PDE4D: variants seen among roughly 807,000 people sequenced by gnomAD.
PDE4D encodes the protein phosphodiesterase 4D, also known as 3',5'-cyclic-AMP phosphodiesterase 4D.
In PDE4D, 24 loss-of-function variants were observed where a neutral mutation model predicts 87.4. The ratio of observed to expected loss-of-function variants is 0.27; its 90% CI spans 0.20 to 0.39. The LOEUF is 0.39. Ranked by LOEUF, PDE4D falls within the 10% of genes least tolerant of loss-of-function variation. The pLI is 1.00. For missense variants in PDE4D, 714 were observed against 1,041.0 expected, an observed-to-expected ratio of 0.69 and a Z score of 4.32; for synonymous variants, 384 against 383.2, an observed-to-expected ratio of 1.00 and a Z score of -0.02.
At chr5:60,193,606 A>G (rs1484361470) in intron 1 of PDE4D, among the ~76,000 whole-genome samples, 2 of 134,244 alleles carry the variant, frequency 1.5e-5, no homozygotes, top group Non-Finnish European at 3.1e-5. Context: ...CAGGGGGCGG[A>G]GCCTGCAGTG....
chr5:59,507,453 G>T (rs1372154276), intron 1 of PDE4D, among the ~76,000 whole-genome samples: 2 of 152,004 alleles, frequency 1.3e-5, no homozygotes. Flanking sequence ...TTTAGGCCCA[G>T]GAGTTTGAGT....
chr5:59,341,172 C>T (rs1166156182), intron 1 of PDE4D, among the ~76,000 whole-genome samples: 4 of 152,072 alleles, frequency 2.6e-5, no homozygotes, highest in Admixed American at 2.0e-4. Flanking sequence ...ACAGCACAGG[C>T]CTAGATTAGC....
intron 1 of PDE4D, among the ~76,000 whole-genome samples, chr5:60,410,555 A>C (rs896001326): frequency 1.3e-5 from 2 of 152,262 alleles, no homozygotes; most frequent in East Asian, 3.8e-4. Flanking sequence ...CAAAACTAAG[A>C]AGCTACCTCT....
chr5:59,811,835 C>T (rs1395815868), intron 1 of PDE4D, among the ~76,000 whole-genome samples: 1 of 152,068 alleles, frequency 6.6e-6, no homozygotes, highest in South Asian at 2.1e-4. Context: ...AATACAACCT[C>T]CTTTGTATGA....
At chr5:60,087,063 AC>A (rs1486441317) in intron 2 of PDE4D, among the ~76,000 whole-genome samples, 1 of 152,182 alleles carries the variant, frequency 6.6e-6, no homozygotes, top group Non-Finnish European at 1.5e-5. Flanking sequence ...CTGGGAAAAA[AC>A]TGTAGGGCAG....
intron 2 of PDE4D, among the ~76,000 whole-genome samples, chr5:60,168,573 A>G (rs1018251548): frequency 5.3e-5 from 8 of 152,214 alleles, no homozygotes; most frequent in African/African-American, 1.9e-4. Context: ...GATTGGTTTC[A>G]CAACTTCCAG....
intron 2 of PDE4D, among the ~76,000 whole-genome samples, chr5:60,181,326 A>G (rs367774986): frequency 1.3e-5 from 2 of 152,202 alleles, no homozygotes; most frequent in South Asian, 4.1e-4. Flanking sequence ...CTTCCATGAA[A>G]ATAAGCAATA....
At chr5:60,409,024 G>A (rs951003326) in intron 1 of PDE4D, among the ~76,000 whole-genome samples, 21 of 152,168 alleles carry the variant, frequency 1.4e-4, no homozygotes, top group African/African-American at 2.9e-4. Flanking sequence ...GGAATAAAGC[G>A]GACACAGCCC....
intron 1 of PDE4D, chr5:60,521,373 A>G (rs1194415879): frequency 6.6e-6 from 1 of 152,202 alleles, no homozygotes; most frequent in Non-Finnish European, 1.5e-5. Flanking sequence ...AAAAACAGAC[A>G]ATTCAATTGT....
At chr5:59,029,279 TG>T (rs1185214817) in intron 6 of PDE4D, among the ~76,000 whole-genome samples, 1 of 148,846 alleles carries the variant, frequency 6.7e-6, no homozygotes, top group Non-Finnish European at 1.5e-5. Flanking sequence ...AAGGCAGGTG[TG>T]GTGGCAGGCG....
intron 3 of PDE4D, among the ~76,000 whole-genome samples, chr5:59,944,355 T>G (rs894208365): frequency 6.6e-6 from 1 of 152,190 alleles, no homozygotes; most frequent in African/African-American, 2.4e-5. Context: ...GGCATGCTTT[T>G]TTTTTGTTTT....
intron 6 of PDE4D, among the ~76,000 whole-genome samples, chr5:59,010,895 G>C (rs1752656854): frequency 6.6e-6 from 1 of 152,156 alleles, no homozygotes; most frequent in African/African-American, 2.4e-5. Context: ...CCTCCCAGTA[G>C]GGGCCAACTG....
intron 5 of PDE4D, among the ~76,000 whole-genome samples, chr5:59,175,102 G>GT (rs1379533221): frequency 6.6e-6 from 1 of 152,182 alleles, no homozygotes. Flanking sequence ...CTACATGGCT[G>GT]TACTTCAAAA....
chr5:59,430,735 T>A (rs538319651), intron 1 of PDE4D: 3 of 202,524 alleles, frequency 1.5e-5, no homozygotes, highest in African/African-American at 6.9e-5. Flanking sequence ...TCAGACCAAA[T>A]CTCTGAGTAG....
At chr5:59,342,375 G>A (rs981892832) in intron 1 of PDE4D, among the ~76,000 whole-genome samples, 10 of 151,998 alleles carry the variant, frequency 6.6e-5, no homozygotes, top group Non-Finnish European at 1.0e-4. Context: ...TTCCCCTAGC[G>A]CTTGCATTCA....
intron 1 of PDE4D, among the ~76,000 whole-genome samples, chr5:59,453,947 G>A (rs1799526939): frequency 1.3e-5 from 2 of 152,320 alleles, no homozygotes; most frequent in Admixed American, 6.5e-5. Flanking sequence ...AAGACAGGCT[G>A]ATCCTCTTGT....
chr5:59,673,786 C>T (rs1037205971), intron 1 of PDE4D, among the ~76,000 whole-genome samples: 1 of 152,102 alleles, frequency 6.6e-6, no homozygotes, highest in Non-Finnish European at 1.5e-5. Flanking sequence ...CTATATGCAC[C>T]ATCCTGCATG....
At chr5:59,297,179 G>C (rs1769261957) in intron 1 of PDE4D, among the ~76,000 whole-genome samples, 1 of 152,122 alleles carries the variant, frequency 6.6e-6, no homozygotes, top group African/African-American at 2.4e-5. Context: ...AGTGAAACTA[G>C]TTCACACATT....
At chr5:59,716,455 T>A (rs1173509496) in intron 1 of PDE4D, among the ~76,000 whole-genome samples, 1 of 152,168 alleles carries the variant, frequency 6.6e-6, no homozygotes, top group Non-Finnish European at 1.5e-5. Context: ...GTTACAACAA[T>A]GTGATAAACA....
Sources: gnomAD v4.1 joint callset for allele counts (sites outside exome capture counted in the v4.1 genomes callset) on GRCh38, gnomAD v4.1.1 for gene constraint, MANE v1.5 for transcripts, NCBI Gene and HGNC (gene_info 2026-07-23, HGNC 2026-07-21) for gene names.